STK3: variants seen among roughly 807,000 people sequenced by gnomAD.
The protein encoded by STK3 is serine/threonine-protein kinase 3.
In STK3, 41 loss-of-function variants were observed where a neutral mutation model predicts 58.0. That is an observed-to-expected ratio of 0.71 (90% CI 0.55 to 0.92). The LOEUF (loss-of-function observed/expected upper bound fraction) is 0.92. Ranked by LOEUF, STK3 falls within the 40% of genes least tolerant of loss-of-function variation. The pLI, the probability that STK3 is intolerant of heterozygous loss-of-function variation, is 0.00. For synonymous variants in STK3, 170 were observed against 191.0 expected (o/e 0.89, Z 0.91); for missense variants, 479 against 602.7 (o/e 0.79, Z 2.15).
chr8:98,728,247 C>A (rs147696149), intron 4 of STK3, among the ~76,000 whole-genome samples: 1,979 of 152,162 alleles, frequency 0.013, 21 homozygotes, highest in Non-Finnish European at 0.02. Flanking sequence ...TATAAAATAT[C>A]CAAGGTTATA....
chr8:98,825,414 G>T, intron 1 of STK3, 101 bp downstream of exon 1: 1 of 1,136,370 alleles, frequency 8.8e-7, no homozygotes, highest in Non-Finnish European at 1.1e-6. Context: ...CTCGGGGCCC[G>T]GCGGGCGGGG....
At chr8:98,788,676 A>G (rs1197960434) in intron 1 of STK3, among the ~76,000 whole-genome samples, 1 of 152,200 alleles carries the variant, frequency 6.6e-6, no homozygotes, top group African/African-American at 2.4e-5. Context: ...ATTAAAAAAG[A>G]CAAAGAGAGT....
chr8:98,421,575 A>T (rs539282550), intron 3 of STK3, among the ~76,000 whole-genome samples: 9 of 152,266 alleles, frequency 5.9e-5, no homozygotes, highest in Admixed American at 4.6e-4. Flanking sequence ...CAGGAGTTTG[A>T]GACCAGCCTG....
chr8:98,624,586 T>C (rs1818571514), intron 6 of STK3, among the ~76,000 whole-genome samples: 1 of 152,190 alleles, frequency 6.6e-6, no homozygotes, highest in African/African-American at 2.4e-5. Context: ...GTGCGGTAGT[T>C]CATGACTGTA....
intron 2 of STK3, among the ~76,000 whole-genome samples, chr8:98,772,041 A>C (rs551667430): frequency 6.6e-6 from 1 of 152,324 alleles, no homozygotes; most frequent in Admixed American, 6.5e-5. Flanking sequence ...AGTCTAATGA[A>C]AGAATTTAGA....
At chr8:98,679,254 C>T (rs1823449848) in intron 6 of STK3, among the ~76,000 whole-genome samples, 1 of 152,118 alleles carries the variant, frequency 6.6e-6, no homozygotes, top group African/African-American at 2.4e-5. Context: ...TGATTGTGAC[C>T]TTCTAGGCTC....
intron 3 of STK3, among the ~76,000 whole-genome samples, chr8:98,419,130 G>A (rs1818144672): frequency 6.6e-6 from 1 of 152,220 alleles, no homozygotes. Flanking sequence ...GGGGGCCGAA[G>A]CAGGAGGATC....
intron 3 of STK3, among the ~76,000 whole-genome samples, chr8:98,406,832 A>T (rs1563594293): frequency 1.3e-5 from 2 of 152,186 alleles, no homozygotes; most frequent in Non-Finnish European, 2.9e-5. Flanking sequence ...TTTGCTGGCA[A>T]TGTCCTTACT....
chr8:98,681,245 C>A (rs190320345), intron 6 of STK3, among the ~76,000 whole-genome samples: 183 of 152,216 alleles, frequency 1.2e-3, no homozygotes, highest in Non-Finnish European at 1.9e-3. Flanking sequence ...GATCCAACCA[C>A]CTCGACCTCC....
In STK3 at chr8:98,712,136, A is replaced by C. The variant is rs903433327; in HGVS notation, c.352-4825T>G. On this transcript the variant is annotated intron_variant, in intron 4 of 10. Coordinates refer to ENST00000419617, the MANE Select transcript of STK3 (RefSeq NM_006281.4). ...CCTAAAAGAGCTCTTGAAGGAAGCA[A>C]TAAACATGGAAAGGAACAACCAGTA... 1.7e-4 allele frequency among the ~76,000 whole-genome samples: 26 copies of C among 152,324 alleles called. No homozygotes were observed. In the East Asian group the frequency reaches 3.9e-3, roughly 23 times the overall value.
At chr8:98,802,073 G>A (rs1200987367) in intron 1 of STK3, among the ~76,000 whole-genome samples, 1 of 152,196 alleles carries the variant, frequency 6.6e-6, no homozygotes, top group African/African-American at 2.4e-5. Flanking sequence ...TGAGGAGGCT[G>A]AGGCAGGAGA....
At chr8:98,872,763 T>A (rs1479173946) in intron 3 of STK3, among the ~76,000 whole-genome samples, 5 of 152,234 alleles carry the variant, frequency 3.3e-5, no homozygotes, top group Middle Eastern at 3.4e-3. Flanking sequence ...GTGGTCTATC[T>A]ATTTTGTTGA....
intron 10 of STK3, among the ~76,000 whole-genome samples, chr8:98,492,677 A>G (rs1822791893): frequency 6.6e-6 from 1 of 152,146 alleles, no homozygotes; most frequent in Non-Finnish European, 1.5e-5. Flanking sequence ...AAGATTTGAA[A>G]TTGCTAGATA....
rs548734528 is a variant in STK3, at chr8:98,487,898, G to T, written c.1318-31898C>A. Among the ~76,000 whole-genome samples the T allele has an allele frequency of 3.9e-5, 6 of 152,308 alleles. No homozygotes were observed. The South Asian group carries it at 1.2e-3, about 32-fold the overall frequency. On this transcript the variant is annotated intron_variant, in intron 10 of 10. Transcript: ENST00000419617. Reference sequence around the variant, plus strand: ...ATCATGAGCCAAGTTACTTAATTTAGATAATCTGTGTGTTTATTTAGACAA... The same window carrying T: ...ATCATGAGCCAAGTTACTTAATTTATATAATCTGTGTGTTTATTTAGACAA...
intron 4 of STK3, among the ~76,000 whole-genome samples, chr8:98,712,349 C>A (rs949352916): frequency 1.3e-5 from 2 of 152,074 alleles, no homozygotes; most frequent in Non-Finnish European, 2.9e-5. Flanking sequence ...AAATTGGATA[C>A]AGAGTCAAGA....
chr8:98,567,474 A>T (rs775352686), intron 8 of STK3, among the ~76,000 whole-genome samples: 2 of 152,194 alleles, frequency 1.3e-5, no homozygotes, highest in African/African-American at 4.8e-5. Context: ...CTAGGATTAC[A>T]GGCATGAGCC....
At chr8:98,905,214 A>C (rs1285805509) in intron 1 of STK3, 4 of 937,048 alleles carry the variant, frequency 4.3e-6, no homozygotes, top group Non-Finnish European at 7.1e-6. Context: ...GGCAGTCCGA[A>C]GTCGGGCTTG....
At chr8:98,409,536 G>C (rs544914038) in intron 3 of STK3, among the ~76,000 whole-genome samples, 1 of 152,330 alleles carries the variant, frequency 6.6e-6, no homozygotes, top group East Asian at 1.9e-4. Flanking sequence ...CAGGTGCTCA[G>C]AGTTCCACAG....
At position 98,573,449 on chromosome 8, in the gene STK3, A is replaced by G. The variant is rs565455387; in HGVS notation, c.948+6215T>C. ...CATCAGATCTCCTGAGAACTCATTC[A>G]CTATCACAAGAACGGGGTGGTTGTT... On this transcript the variant is annotated intron_variant, in intron 8 of 10. Transcript: ENST00000419617. Among the ~76,000 whole-genome samples the G allele has an allele frequency of 4.4e-4, 67 of 151,978 alleles. 1 individual carries two copies. Among genetic ancestry groups the G allele is most frequent in the Non-Finnish European group, 6.6e-4 (45 of 67,960 alleles).
Sources: gnomAD v4.1 joint callset for allele counts (sites outside exome capture counted in the v4.1 genomes callset) on GRCh38, gnomAD v4.1.1 for gene constraint, MANE v1.5 for transcripts, NCBI Gene and HGNC (gene_info 2026-07-23, HGNC 2026-07-21) for gene names.